EMG1: variants seen among roughly 807,000 people sequenced by gnomAD.
EMG1 encodes ribosomal RNA small subunit methyltransferase NEP1.
EMG1 carries 24 observed loss-of-function variants against 26.9 expected under a neutral mutation model. That is an observed-to-expected ratio of 0.89 (90% CI 0.65 to 1.26). The LOEUF is 1.26. Among genes scored for constraint, EMG1 ranks in the 50% most tolerant of loss-of-function variants. The probability of loss-of-function intolerance (pLI) is 0.00; values close to 1 mark genes in which losing one functional copy is unlikely to be tolerated. For synonymous variants in EMG1, 140 were observed against 112.6 expected (o/e 1.24, Z -1.54); for missense variants, 299 against 307.6 (o/e 0.97, Z 0.21).
chr12:6,971,661 G>GTA (rs1269075760), intron 1 of EMG1, among the ~76,000 whole-genome samples: 1 of 152,160 alleles, frequency 6.6e-6, no homozygotes, highest in Non-Finnish European at 1.5e-5. Flanking sequence ...GGATTCTGTG[G>GTA]TATAGTAGTC....
At position 6,976,046 on chromosome 12, in the gene EMG1, C is replaced by T; in HGVS notation, c.*237C>T. The T allele has an allele frequency of 2.3e-6, 1 of 442,630 alleles. No homozygotes were observed. The highest frequency in any genetic ancestry group is 4.1e-6 in the Non-Finnish European group (1 of 245,904). 27.4% of individuals were successfully genotyped at this position (442,630 alleles called of 1,614,324 possible). The stretch of plus-strand genomic sequence containing the variant: ...TGTTTGTTCCCCGGGACTTCAGGGA[C>T]AGATAGGAGGTTACAGAGTTTGCAG... On this transcript the variant is annotated 3_prime_UTR_variant, in exon 6 of 6. Coordinates refer to ENST00000599672, the MANE Select transcript of EMG1 (RefSeq NM_006331.8).
downstream of EMG1, chr12:6,983,073 C>T (rs983203074): frequency 3.1e-5 from 17 of 542,210 alleles, no homozygotes; most frequent in Admixed American, 5.0e-5. Context: ...CCTTGAATTC[C>T]GGGCTACCAC....
rs1946343481 is a variant in EMG1 at position 6,972,415 on chromosome 12, A to G, written c.168+1324A>G. Among the ~76,000 whole-genome samples the G allele has an allele frequency of 2.0e-5, 3 of 151,934 alleles. No individual in the cohort carries two copies. In the South Asian group the frequency reaches 6.2e-4, roughly 31 times the overall value. Reference sequence around the variant, plus strand: ...AAAATCTACATCCCTTTTTTCGCAGACTTTTTGGAGCCATATATCTCAAGA... The same window carrying G: ...AAAATCTACATCCCTTTTTTCGCAGGCTTTTTGGAGCCATATATCTCAAGA... On this transcript the variant is annotated intron_variant, in intron 1 of 5. Transcript: ENST00000599672.
At chr12:6,982,833 T>A, downstream of EMG1, 1 of 1,211,626 alleles carries the variant, frequency 8.3e-7, no homozygotes. Context: ...CCCACCGTCC[T>A]GAGACTTCCA....
chr12:6,989,241 C>T (rs1946563251), downstream of EMG1, among the ~76,000 whole-genome samples: 1 of 151,840 alleles, frequency 6.6e-6, no homozygotes, highest in Non-Finnish European at 1.5e-5. Flanking sequence ...CTTTAGTACA[C>T]TCCAAACCTG....
chr12:6,993,337 G>A (rs782058257), intron 7 of EMG1, among the ~76,000 whole-genome samples: 1 of 152,164 alleles, frequency 6.6e-6, no homozygotes, highest in African/African-American at 2.4e-5. Flanking sequence ...AGGAGGCTGA[G>A]GGAGGAGAAT....
At chr12:6,972,927 T>A (rs782025551) in intron 1 of EMG1, among the ~76,000 whole-genome samples, 3 of 151,920 alleles carry the variant, frequency 2.0e-5, no homozygotes, top group Non-Finnish European at 4.4e-5. Context: ...AGCCTCTACT[T>A]CCCTGGCTCA....
At chr12:6,975,516 C>T in intron 5 of EMG1, 138 bp downstream of exon 5, 3 of 1,048,126 alleles carry the variant, frequency 2.9e-6, no homozygotes, top group East Asian at 5.1e-5. Flanking sequence ...CAGGGCACAT[C>T]CTTTGAGGGC....
rs1946416181 is a variant in EMG1 at position 6,977,319 on chromosome 12, G to T, written c.*1510G>T. 1 of 1,611,310 alleles carries T rather than the reference G, an allele frequency of 6.2e-7. No homozygotes were observed. Among genetic ancestry groups the T allele is most frequent in the African/African-American group, 1.3e-5 (1 of 74,872 alleles). ...GCCTGGAGTGTCCTTTGCAACCTTT[G>T]AGGTTGCAGTGAGTCCCTCCCAGTC... On this transcript the variant is annotated 3_prime_UTR_variant, in exon 6 of 6. Coordinates refer to ENST00000599672, the MANE Select transcript of EMG1 (RefSeq NM_006331.8). The surrounding 1 kb of genome is among the most constrained non-coding windows in gnomAD (Gnocchi z 4.5).
downstream of EMG1, among the ~76,000 whole-genome samples, chr12:6,989,361 G>A (rs1227219825): frequency 1.3e-5 from 2 of 148,240 alleles, no homozygotes; most frequent in Non-Finnish European, 3.0e-5. Context: ...CCAGGCTGGA[G>A]TGCAGTGGTG....
chr12:6,996,938 A>G (rs782738761), intron 7 of EMG1, among the ~76,000 whole-genome samples: 5 of 152,160 alleles, frequency 3.3e-5, no homozygotes, highest in Non-Finnish European at 7.3e-5. Flanking sequence ...GCTAATTTCA[A>G]GGGAGGAAAA....
intron 5 of EMG1, 88 bp from the exon 6 acceptor site, chr12:6,975,608 T>G (rs891683841): frequency 1.9e-5 from 20 of 1,031,850 alleles, no homozygotes; most frequent in African/African-American, 4.7e-5. Flanking sequence ...GCTGAAATAC[T>G]AGCTCAGCCA....
chr12:6,996,851 C>T (rs782135545), intron 7 of EMG1, among the ~76,000 whole-genome samples: 4 of 152,214 alleles, frequency 2.6e-5, no homozygotes, highest in East Asian at 3.9e-4. Context: ...GAAGAGATGA[C>T]GGCATTCCAA....
At chr12:6,992,013 G>A (rs1946594182), downstream of EMG1, among the ~76,000 whole-genome samples, 2 of 152,028 alleles carry the variant, frequency 1.3e-5, no homozygotes, top group African/African-American at 4.8e-5. Context: ...CCAACATGGC[G>A]AAACCCCGTC....
chr12:6,974,575 T>C lies in EMG1; in HGVS notation c.294T>C (p.Ser98=). ...AGAGTTTGCTGATGCTGATGGATAGTCCCCTGAACCGAGCTGGCTTGCTAC... is the reference window on the plus strand; with the variant it reads ...AGAGTTTGCTGATGCTGATGGATAGCCCCCTGAACCGAGCTGGCTTGCTAC... ...THQSLLMLMD[S]PLNRAGLLQV... The change falls in exon 3 of 6, where the codon AGT becomes AGC. Residue 98 remains serine, a synonymous_variant. Coordinates refer to ENST00000599672, the MANE Select transcript of EMG1 (RefSeq NM_006331.8). 1 of 1,613,884 alleles carries C rather than the reference T, an allele frequency of 6.2e-7. No homozygotes were observed. The highest frequency in any genetic ancestry group is 1.1e-5 in the South Asian group (1 of 91,068).
chr12:6,991,837 G>A (rs1281594025), downstream of EMG1, among the ~76,000 whole-genome samples: 4 of 152,112 alleles, frequency 2.6e-5, no homozygotes, highest in Non-Finnish European at 4.4e-5. Context: ...GACAACCACC[G>A]TACTCTACCA....
rs145602874 is a variant in EMG1, at chr12:6,974,102, C to G, written c.169-237C>G. Among the ~76,000 whole-genome samples the G allele has an allele frequency of 3.4e-3, 515 of 152,320 alleles. 3 individuals carry two copies. The highest frequency in any genetic ancestry group is 0.012 in the African/African-American group (486 of 41,550). On this transcript the variant is annotated intron_variant, in intron 1 of 5. Coordinates refer to ENST00000599672, the MANE Select transcript of EMG1 (RefSeq NM_006331.8). ...ACAGGTTGTGCCCTTCCTCCTGTTTCCCTCTCAGACCATTCACTGGGGAGT... is the reference window on the plus strand; with the variant it reads ...ACAGGTTGTGCCCTTCCTCCTGTTTGCCTCTCAGACCATTCACTGGGGAGT...
At position 6,974,434 on chromosome 12, in the gene EMG1, C is replaced by T. The variant is rs781800072; in HGVS notation, c.264C>T (p.Thr88=). The change falls in exon 2 of 6, where the codon ACC becomes ACT. Residue 88 remains threonine (T), a synonymous_variant. Transcript: ENST00000599672. ...CTGGGGAAGCGCGGCCAGATATCAC[C>T]CACCAGGTAACTCCAGGGACAGTGC... ...RDPGEARPDI[T]HQSLLMLMDS... 8.7e-6 allele frequency: 14 copies of T among 1,613,278 alleles called. No individual in the cohort carries two copies. Among genetic ancestry groups the T allele is most frequent in the Non-Finnish European group, 1.2e-5 (14 of 1,179,442 alleles).
downstream of EMG1, chr12:6,983,385 C>A (rs1946490037): frequency 2.3e-6 from 3 of 1,314,306 alleles, no homozygotes; most frequent in Non-Finnish European, 3.3e-6. Flanking sequence ...TCTGTTCCTT[C>A]CAGGTTCCCA....
Sources: gnomAD v4.1 joint callset for allele counts (sites outside exome capture counted in the v4.1 genomes callset) on GRCh38, gnomAD v4.1.1 for gene constraint, Gnocchi (gnomAD v3.1) non-coding constraint, MANE v1.5 for transcripts, NCBI Gene and HGNC (gene_info 2026-07-23, HGNC 2026-07-21) for gene names.